The following ARL15 variants were observed in gnomAD, a reference collection of about 807,000 sequenced individuals.
The protein encoded by ARL15 is ARF like GTPase 15, also known as ADP-ribosylation factor-like protein 15.
In ARL15, 19 loss-of-function variants were observed where a neutral mutation model predicts 25.2. The observed-to-expected ratio is 0.75, with a 90% CI of 0.53 to 1.10. The LOEUF (loss-of-function observed/expected upper bound fraction) is 1.10, where lower values mean the gene tolerates loss of function less well. Among genes scored for constraint, ARL15 ranks in the 50% least tolerant of loss-of-function variants. The probability of loss-of-function intolerance (pLI) is 0.00; values close to 1 mark genes in which losing one functional copy is unlikely to be tolerated. For synonymous variants in ARL15, 94 were observed against 86.8 expected (o/e 1.08, Z -0.46); for missense variants, 220 against 246.0 (o/e 0.89, Z 0.71).
intron 4 of ARL15, among the ~76,000 whole-genome samples, chr5:54,011,991 G>C (rs1412702398): frequency 6.7e-6 from 1 of 149,138 alleles, no homozygotes; most frequent in Non-Finnish European, 1.5e-5. Context: ...CCTGGCAACA[G>C]AGCAAGACTC....
chr5:54,257,081 T>G (rs1270481628), intron 1 of ARL15, among the ~76,000 whole-genome samples: 1 of 152,164 alleles, frequency 6.6e-6, no homozygotes, highest in Non-Finnish European at 1.5e-5. Context: ...GTACTGGAAG[T>G]CCTAGCCAGG....
At chr5:54,054,162 G>C (rs528138906) in intron 4 of ARL15, among the ~76,000 whole-genome samples, 1 of 152,018 alleles carries the variant, frequency 6.6e-6, no homozygotes, top group East Asian at 1.9e-4. Context: ...CCTTACTTCC[G>C]GTACCTCGCC....
chr5:54,248,076 A>T (rs753543420), intron 1 of ARL15, among the ~76,000 whole-genome samples: 2 of 152,154 alleles, frequency 1.3e-5, no homozygotes, highest in Non-Finnish European at 2.9e-5. Flanking sequence ...TAAAGACCAG[A>T]TTCTTAATAC....
At chr5:54,043,256 C>A (rs1398668994) in intron 4 of ARL15, among the ~76,000 whole-genome samples, 5 of 151,702 alleles carry the variant, frequency 3.3e-5, no homozygotes, top group Non-Finnish European at 7.4e-5. Flanking sequence ...ACAAGCTTAT[C>A]TTTCCCATAT....
intron 1 of ARL15, among the ~76,000 whole-genome samples, chr5:54,249,949 G>C (rs1174238245): frequency 6.6e-6 from 1 of 152,126 alleles, no homozygotes; most frequent in East Asian, 1.9e-4. Context: ...CTGGTCATAG[G>C]GTGTGTCAGA....
chr5:53,997,430 C>T (rs1229836807), intron 4 of ARL15, among the ~76,000 whole-genome samples: 1 of 150,242 alleles, frequency 6.7e-6, no homozygotes, highest in African/African-American at 2.4e-5. Flanking sequence ...TTAAGGGTAC[C>T]TTTTATTTCC....
intron 2 of ARL15, among the ~76,000 whole-genome samples, chr5:54,160,750 C>A (rs72752131): frequency 0.1 from 15,676 of 152,114 alleles, 1,015 homozygotes; most frequent in Non-Finnish European, 0.15. Flanking sequence ...GTTAATAAAC[C>A]AATAAAGTTT....
intron 4 of ARL15, among the ~76,000 whole-genome samples, chr5:53,995,345 T>A (rs1748635633): frequency 1.3e-5 from 2 of 150,936 alleles, no homozygotes; most frequent in African/African-American, 2.4e-5. Context: ...GGGATTTTTT[T>A]AAATGATGTG....
rs1021670867 is a variant in ARL15 at position 54,234,053 on chromosome 5, C to T, written c.49-62125G>A. 5.3e-5 allele frequency among the ~76,000 whole-genome samples: 8 copies of T among 152,082 alleles called. No individual in the cohort carries two copies. The East Asian group carries it at 7.7e-4, about 15-fold the overall frequency. The stretch of plus-strand genomic sequence containing the variant: ...TCGCTCTGTTGCCAGGCTGGTACAA[C>T]GGCAAGATCTCAGCTCACTGCAACC... On this transcript the variant is annotated intron_variant, in intron 1 of 4. Transcript: ENST00000504924.
intron 4 of ARL15, among the ~76,000 whole-genome samples, chr5:53,930,103 G>A (rs924504317): frequency 6.6e-6 from 1 of 152,006 alleles, no homozygotes; most frequent in Non-Finnish European, 1.5e-5. Flanking sequence ...AATGCTCAAA[G>A]TAAAATTTTT....
At chr5:54,048,813 C>G (rs1256632042) in intron 4 of ARL15, among the ~76,000 whole-genome samples, 2 of 146,812 alleles carry the variant, frequency 1.4e-5, no homozygotes, top group East Asian at 2.0e-4. Context: ...AAAAAAACAA[C>G]AGTCCGACAT....
chr5:54,299,286 A>G (rs1758551339), intron 1 of ARL15, among the ~76,000 whole-genome samples: 1 of 152,198 alleles, frequency 6.6e-6, no homozygotes, highest in Non-Finnish European at 1.5e-5. Flanking sequence ...CTGAGGCCGT[A>G]GGCATCCTCA....
At chr5:54,144,693 T>C (rs935013768) in intron 3 of ARL15, among the ~76,000 whole-genome samples, 2 of 152,194 alleles carry the variant, frequency 1.3e-5, no homozygotes, top group African/African-American at 4.8e-5. Flanking sequence ...TTGTTTACCA[T>C]TGTCTGTTTC....
At chr5:54,283,441 T>C (rs1198053311) in intron 1 of ARL15, among the ~76,000 whole-genome samples, 1 of 81,840 alleles carries the variant, frequency 1.2e-5, no homozygotes, top group Non-Finnish European at 2.3e-5. Flanking sequence ...CTTTCAAATA[T>C]CAACGGTGCT....
intron 1 of ARL15, among the ~76,000 whole-genome samples, chr5:54,192,303 CACA>C (rs767137462): frequency 4.6e-5 from 7 of 151,568 alleles, no homozygotes; most frequent in South Asian, 2.1e-4. Context: ...CCTTTCCCAC[CACA>C]ACATGTTCTA....
At chr5:53,914,662 G>C (rs191476914) in intron 4 of ARL15, among the ~76,000 whole-genome samples, 4 of 152,196 alleles carry the variant, frequency 2.6e-5, no homozygotes, top group Non-Finnish European at 5.9e-5. Context: ...GGCGAATTCC[G>C]CATCTGGAGC....
At chr5:54,082,060 C>T (rs1259818552) in intron 4 of ARL15, among the ~76,000 whole-genome samples, 5 of 102,518 alleles carry the variant, frequency 4.9e-5, no homozygotes, top group Non-Finnish European at 7.6e-5. Flanking sequence ...CACTGCATTC[C>T]AGCCTGGGTA....
chr5:54,110,153 G>A (rs1752697695), intron 4 of ARL15, among the ~76,000 whole-genome samples: 2 of 152,016 alleles, frequency 1.3e-5, no homozygotes, highest in South Asian at 4.1e-4. Context: ...TTTAACCATT[G>A]TCTTCATTTC....
chr5:54,256,538 G>T (rs1440603593), intron 1 of ARL15, among the ~76,000 whole-genome samples: 1 of 147,820 alleles, frequency 6.8e-6, no homozygotes, highest in Non-Finnish European at 1.5e-5. Context: ...CCAAAAGACT[G>T]AGAAAGACGG....
Sources: gnomAD v4.1 joint callset for allele counts (sites outside exome capture counted in the v4.1 genomes callset) on GRCh38, gnomAD v4.1.1 for gene constraint, MANE v1.5 for transcripts, NCBI Gene and HGNC (gene_info 2026-07-23, HGNC 2026-07-21) for gene names.